The following DHCR24 variants were observed in gnomAD, a reference collection of about 807,000 sequenced individuals.
The protein encoded by DHCR24 is 24-dehydrocholesterol reductase.
A neutral mutation model predicts 61.2 loss-of-function variants in DHCR24; 28 were observed. The observed-to-expected ratio is 0.46, with a 90% CI of 0.34 to 0.63. The LOEUF (loss-of-function observed/expected upper bound fraction) is 0.63. DHCR24 is among the 20% of genes least tolerant of loss of function. The pLI, the probability that DHCR24 is intolerant of heterozygous loss-of-function variation, is 0.01. For missense variants in DHCR24, 538 were observed against 679.1 expected, an observed-to-expected ratio of 0.79 and a Z score of 2.31; for synonymous variants, 261 against 275.9, an observed-to-expected ratio of 0.95 and a Z score of 0.54.
chr1:54,863,917 G>T (rs1029942678), intron 6 of DHCR24, among the ~76,000 whole-genome samples: 1 of 152,080 alleles, frequency 6.6e-6, no homozygotes. Flanking sequence ...CACCAAAGAA[G>T]ATATACAAAA....
At chr1:54,885,577 G>A (rs1647088456) in intron 1 of DHCR24, among the ~76,000 whole-genome samples, 1 of 152,162 alleles carries the variant, frequency 6.6e-6, no homozygotes, top group Non-Finnish European at 1.5e-5. Flanking sequence ...TTGTAAGATA[G>A]GCACAAGATC....
intron 2 of DHCR24, among the ~76,000 whole-genome samples, chr1:54,879,322 GA>G (rs58945175): frequency 9.2e-6 from 1 of 108,502 alleles, no homozygotes; most frequent in African/African-American, 3.9e-5. Context: ...GACTCCATCT[GA>G]AAAAAAAAAA....
chr1:54,877,126 C>T (rs545443711), intron 2 of DHCR24, among the ~76,000 whole-genome samples: 2 of 151,792 alleles, frequency 1.3e-5, no homozygotes, highest in African/African-American at 2.4e-5. Context: ...GAATAGAATG[C>T]GGAAGCAGGT....
intron 4 of DHCR24, among the ~76,000 whole-genome samples, chr1:54,874,724 G>A (rs1396193947): frequency 6.6e-6 from 1 of 152,142 alleles, no homozygotes; most frequent in Non-Finnish European, 1.5e-5. Flanking sequence ...AGGGACCTGG[G>A]AGCCTGATTA....
chr1:54,881,803 T>G (rs1647065166), intron 2 of DHCR24, among the ~76,000 whole-genome samples: 1 of 152,232 alleles, frequency 6.6e-6, no homozygotes, highest in Admixed American at 6.5e-5. Context: ...TGGAATACTA[T>G]GCAGCCATGT....
intron 6 of DHCR24, among the ~76,000 whole-genome samples, chr1:54,861,112 GTCCT>G (rs1646935431): frequency 6.6e-6 from 1 of 151,812 alleles, no homozygotes; most frequent in South Asian, 2.1e-4. Flanking sequence ...TCTTCCACAT[GTCCT>G]TGGCCACTGG....
At chr1:54,858,062 AT>A (rs1160805465) in intron 6 of DHCR24, among the ~76,000 whole-genome samples, 14 of 152,362 alleles carry the variant, frequency 9.2e-5, no homozygotes, top group Non-Finnish European at 1.3e-4. Context: ...GGGAAAAGGC[AT>A]GCATTTGAAA....
chr1:54,886,083 G>A (rs1246914304), intron 1 of DHCR24, among the ~76,000 whole-genome samples: 2 of 152,190 alleles, frequency 1.3e-5, no homozygotes, highest in Admixed American at 6.5e-5. Context: ...GTGGCAGCAG[G>A]AAACAGAAGC....
intron 2 of DHCR24, among the ~76,000 whole-genome samples, chr1:54,881,104 C>T (rs989903931): frequency 1.3e-5 from 2 of 151,994 alleles, no homozygotes; most frequent in Admixed American, 6.6e-5. Context: ...GAACCAAGAT[C>T]GTGCCACTGC....
At chr1:54,859,008 T>A (rs1235641861) in intron 6 of DHCR24, among the ~76,000 whole-genome samples, 1 of 152,106 alleles carries the variant, frequency 6.6e-6, no homozygotes, top group Non-Finnish European at 1.5e-5. Context: ...TCAGTGCCCC[T>A]CCCCTGAGTA....
At chr1:54,853,274 C>G (rs190985909) in intron 8 of DHCR24, among the ~76,000 whole-genome samples, 160 bp downstream of exon 8, 18 of 152,242 alleles carry the variant, frequency 1.2e-4, no homozygotes, top group African/African-American at 4.3e-4. Flanking sequence ...TCTTTCACAG[C>G]TTACCTCCTG....
In DHCR24 at chr1:54,852,204, C is replaced by T. The variant is rs374997982; in HGVS notation, c.*29G>A. 8.7e-6 allele frequency: 14 copies of T among 1,613,758 alleles called. No individual in the cohort carries two copies. The highest frequency in any genetic ancestry group is 8.3e-5 in the Admixed American group (5 of 60,000). On this transcript the variant is annotated 3_prime_UTR_variant, in exon 9 of 9. Transcript: ENST00000371269. ...AAGGGAAGATGCCTGACCACTCACA[C>T]GTGTCTGTCTCTCCAGGCGGGCTCC...
intron 2 of DHCR24, among the ~76,000 whole-genome samples, chr1:54,881,031 T>C (rs1331303877): frequency 2.0e-5 from 3 of 152,074 alleles, no homozygotes; most frequent in Non-Finnish European, 2.9e-5. Context: ...ATGCCTGTAC[T>C]CCCAGCTACC....
chr1:54,880,403 C>G (rs1647057777), intron 2 of DHCR24, among the ~76,000 whole-genome samples: 1 of 152,182 alleles, frequency 6.6e-6, no homozygotes, highest in African/African-American at 2.4e-5. Context: ...TATAAAAATT[C>G]TACAATAAAA....
chr1:54,876,570 C>T (rs1301002314), intron 2 of DHCR24, among the ~76,000 whole-genome samples: 1 of 151,882 alleles, frequency 6.6e-6, no homozygotes, highest in Non-Finnish European at 1.5e-5. Flanking sequence ...AGGAGAATCA[C>T]TTGAACCTGG....
At chr1:54,855,266 C>T (rs1040212505) in intron 6 of DHCR24, among the ~76,000 whole-genome samples, 2 of 151,946 alleles carry the variant, frequency 1.3e-5, no homozygotes, top group Non-Finnish European at 1.5e-5. Context: ...TGGTGGCGGG[C>T]GCCTGTAGTC....
Position 54,860,912 on chromosome 1 carries a change from C to T in DHCR24, c.1020+4391G>A, listed in dbSNP as rs184927909. ...CTGAGGCAGGAGAATGGCATGAACC[C>T]GGGAGGCGGCACTTGCAGTGAGCCG... On this transcript the variant is annotated intron_variant, in intron 6 of 8. Transcript: ENST00000371269. 5.2e-3 allele frequency among the ~76,000 whole-genome samples: 788 copies of T among 151,442 alleles called. 4 individuals are homozygous for T. Among genetic ancestry groups the T allele is most frequent in the Middle Eastern group, 0.01 (3 of 294 alleles).
intron 4 of DHCR24, among the ~76,000 whole-genome samples, chr1:54,872,020 T>C (rs1414412648): frequency 6.6e-6 from 1 of 152,206 alleles, no homozygotes; most frequent in East Asian, 1.9e-4. Flanking sequence ...CTGGGGAACA[T>C]TAAAATGCCT....
chr1:54,856,122 G>GC (rs1484296885), intron 6 of DHCR24, among the ~76,000 whole-genome samples: 1 of 152,212 alleles, frequency 6.6e-6, no homozygotes, highest in Non-Finnish European at 1.5e-5. Flanking sequence ...GGGCACTACT[G>GC]CCTTCGGTTG....
Sources: gnomAD v4.1 joint callset for allele counts (sites outside exome capture counted in the v4.1 genomes callset) on GRCh38, gnomAD v4.1.1 for gene constraint, MANE v1.5 for transcripts, NCBI Gene and HGNC (gene_info 2026-07-23, HGNC 2026-07-21) for gene names.